The following XIST variants were observed in gnomAD, a reference collection of about 807,000 sequenced individuals.
XIST encodes X inactive specific transcript (non-protein coding).
At chrX:73,842,847 C>T in exon 1 of XIST, 2 of 558,176 alleles carry the variant, frequency 3.6e-6, no homozygotes, top group Non-Finnish European at 6.5e-6. Flanking sequence ...ACAATCTTAC[C>T]TAATAGCTGC....
At position 73,846,549 on chromosome X, in the gene XIST, C is replaced by T. The variant is rs371591004; in HGVS notation, n.6175G>A. 7.5e-4 allele frequency: 417 copies of T among 557,454 alleles called. 1 individual carries two copies. The highest frequency in any genetic ancestry group is 1.8e-3 in the South Asian group (79 of 44,814). The allele number at this position is 557,454 out of a possible 1,213,427, so 45.9% of individuals were successfully genotyped here. A position where few individuals can be genotyped will look rare whatever the true frequency, so the allele number is the denominator to read the frequency against. Reference sequence around the variant, plus strand: ...TAGGACCTTATTCACATGGAATGAGCAGTGTGCGATTACGCACATAAATGT... The same window carrying T: ...TAGGACCTTATTCACATGGAATGAGTAGTGTGCGATTACGCACATAAATGT... On this transcript the variant is annotated non_coding_transcript_exon_variant, in exon 1 of 6. Transcript: ENST00000429829.
chrX:73,829,307 A>G (rs1346721919), intron 4 of XIST: 1 of 460,149 alleles, frequency 2.2e-6, no homozygotes, highest in African/African-American at 2.4e-5. Flanking sequence ...TAAGATTCAA[A>G]TTAATAAGCA....
exon 6 of XIST, chrX:73,820,768 T>C (rs748808493): frequency 1.8e-6 from 1 of 557,546 alleles, no homozygotes; most frequent in South Asian, 2.2e-5. Flanking sequence ...TGCTGAACAA[T>C]ATTTTTCAAT....
At chrX:73,840,615 A>G (rs1177844478) in intron 1 of XIST, among the ~76,000 whole-genome samples, 1 of 111,579 alleles carries the variant, frequency 9.0e-6, no homozygotes, top group Non-Finnish European at 1.9e-5. Context: ...CTTGGCAAAA[A>G]GGTTCCAAAC....
At chrX:73,852,140 G>A (rs1355817422) in exon 1 of XIST, 2 of 529,992 alleles carry the variant, frequency 3.8e-6, no homozygotes, top group Non-Finnish European at 6.7e-6. Flanking sequence ...AAGCCCCGAT[G>A]GGCCAAAAAA....
chrX:73,841,758 T>C, exon 1 of XIST: 1 of 501,091 alleles, frequency 2.0e-6, no homozygotes, highest in Non-Finnish European at 3.5e-6. Context: ...CTTCAAATTA[T>C]TACTATAATT....
chrX:73,821,076 T>G, exon 6 of XIST: 1 of 558,745 alleles, frequency 1.8e-6, no homozygotes, highest in Non-Finnish European at 3.2e-6. Flanking sequence ...CATTTTCCAA[T>G]AATCCATTCC....
chrX:73,842,456 C>T (rs1434150742), exon 1 of XIST: 2 of 547,239 alleles, frequency 3.7e-6, no homozygotes, highest in Non-Finnish European at 6.6e-6. Flanking sequence ...TGGTTCTTGT[C>T]CCCAGAATCT....
In XIST at chrX:73,846,078, C is replaced by A. The variant is rs1417484507; in HGVS notation, n.6646G>T. 15 of 558,162 alleles carry A rather than the reference C, an allele frequency of 2.7e-5. No homozygotes were observed. The East Asian group carries it at 4.9e-4, about 18-fold the overall frequency. The allele number at this position is 558,162 out of a possible 1,213,427, so 46.0% of individuals were successfully genotyped here. On this transcript the variant is annotated non_coding_transcript_exon_variant, in exon 1 of 6. Transcript: ENST00000429829. Reference sequence around the variant, plus strand: ...GTAAGCGTCTTATGGAGAGGGCACTCCCTGCCGGAAGGGAAAGGAAGATTG... The same window carrying A: ...GTAAGCGTCTTATGGAGAGGGCACTACCTGCCGGAAGGGAAAGGAAGATTG...
chrX:73,847,107 T>A, exon 1 of XIST: 1 of 559,220 alleles, frequency 1.8e-6, no homozygotes, highest in Non-Finnish European at 3.2e-6. Flanking sequence ...AAGTAGTAGG[T>A]ACTTCCAGCT....
exon 6 of XIST, chrX:73,825,369 C>T (rs1156239693): frequency 1.8e-6 from 1 of 558,777 alleles, no homozygotes; most frequent in Non-Finnish European, 3.2e-6. Context: ...TTTATGCTTG[C>T]TCCTTTCTTT....
At chrX:73,849,147 T>G in exon 1 of XIST, 1 of 559,382 alleles carries the variant, frequency 1.8e-6, no homozygotes, top group Non-Finnish European at 3.2e-6. Context: ...GGGCGACTGG[T>G]AGTCTTCATG....
exon 6 of XIST, chrX:73,822,502 A>AGAAT (rs1438208573): frequency 3.9e-6 from 2 of 514,703 alleles, no homozygotes; most frequent in Non-Finnish European, 7.0e-6. Context: ...ATATATTTGT[A>AGAAT]GAATGAATGA....
At chrX:73,822,238 T>C (rs758261218) in exon 6 of XIST, 5 of 556,648 alleles carry the variant, frequency 9.0e-6, no homozygotes, top group South Asian at 2.2e-5. Flanking sequence ...AAGTGTCTAT[T>C]ATAAGGAGAG....
chrX:73,852,461 G>T, exon 1 of XIST: 1 of 546,591 alleles, frequency 1.8e-6, no homozygotes, highest in Non-Finnish European at 3.3e-6. Flanking sequence ...TGATTCCAAA[G>T]AAAAATTCCT....
exon 1 of XIST, chrX:73,842,413 G>T: frequency 1.8e-6 from 1 of 546,989 alleles, no homozygotes; most frequent in Non-Finnish European, 3.3e-6. Context: ...TCAGTATTTT[G>T]CACAGTAAAG....
exon 1 of XIST, chrX:73,846,536 C>G (rs1194420298): frequency 1.8e-6 from 1 of 559,116 alleles, no homozygotes. Context: ...GGACCTTATT[C>G]ACATGGAATG....
chrX:73,833,438 A>C (rs1603361193), intron 2 of XIST: 2 of 494,480 alleles, frequency 4.0e-6, no homozygotes, highest in East Asian at 3.4e-5. Flanking sequence ...AAAGAGTTAC[A>C]AAAACCCCAA....
chrX:73,850,876 A>G (rs1380476921), exon 1 of XIST: 1 of 542,047 alleles, frequency 1.8e-6, no homozygotes, highest in Non-Finnish European at 3.3e-6. Flanking sequence ...ACTGGACAGG[A>G]GGGGACAAAT....
Sources: gnomAD v4.1 joint callset for allele counts (sites outside exome capture counted in the v4.1 genomes callset) on GRCh38, gnomAD v4.1.1 for gene constraint, MANE v1.5 for transcripts, NCBI Gene and HGNC (gene_info 2026-07-23, HGNC 2026-07-21) for gene names.